PRR16: variants seen among roughly 807,000 people sequenced by gnomAD.
The protein encoded by PRR16 is proline rich 16, also known as protein Largen.
In PRR16, 6 loss-of-function variants were observed where a neutral mutation model predicts 18.2. The ratio of observed to expected loss-of-function variants is 0.33; its 90% CI spans 0.18 to 0.65. PRR16 has a LOEUF of 0.65. Among genes scored for constraint, PRR16 ranks in the 30% least tolerant of loss-of-function variants. The probability of loss-of-function intolerance (pLI) is 0.74; values close to 1 mark genes in which losing one functional copy is unlikely to be tolerated. For synonymous variants in PRR16, 151 were observed against 147.8 expected (o/e 1.02, Z -0.16); for missense variants, 412 against 376.6 (o/e 1.09, Z -0.78).
At chr5:120,581,908 C>T (rs1010323194) in intron 1 of PRR16, among the ~76,000 whole-genome samples, 3 of 152,036 alleles carry the variant, frequency 2.0e-5, no homozygotes, top group African/African-American at 4.8e-5. Flanking sequence ...CGTTCTTTTG[C>T]ATTTGCTGAA....
rs758988449 is a variant in PRR16 at position 120,686,095 on chromosome 5, G to T, written c.301G>T (p.Ala101Ser). 9 of 1,614,052 alleles carry T rather than the reference G, an allele frequency of 5.6e-6. No individual in the cohort carries two copies. The highest frequency in any genetic ancestry group is 7.6e-6 in the Non-Finnish European group (9 of 1,180,002). Residue 101 changes from alanine (A) to serine (S), a missense_variant, in exon 2 of 2, where the codon GCA (alanine) becomes TCA (serine). Transcript: ENST00000407149. ...SLEKIKVQAN[A>S]PLIKPPAHPS... The stretch of plus-strand genomic sequence containing the variant: ...AGAGAAGATCAAAGTGCAGGCTAAT[G>T]CACCGCTTATTAAACCCCCAGCACA...
chr5:120,514,824 C>A (rs550648943), intron 1 of PRR16, among the ~76,000 whole-genome samples: 1 of 152,308 alleles, frequency 6.6e-6, no homozygotes, highest in South Asian at 2.1e-4. Flanking sequence ...TTCTTCTGAG[C>A]TCTCACCTGA....
At chr5:120,623,231 G>C (rs953336812) in intron 1 of PRR16, among the ~76,000 whole-genome samples, 2 of 151,966 alleles carry the variant, frequency 1.3e-5, no homozygotes, top group Non-Finnish European at 2.9e-5. Context: ...TTTTATAATG[G>C]CAACAGTATC....
rs565754069 is a variant in PRR16, at chr5:120,506,369, C to T, written c.159+41724C>T. On this transcript the variant is annotated intron_variant, in intron 1 of 1. Transcript: ENST00000407149. Reference sequence around the variant, plus strand: ...TGAAATGTATTTTGATTACCTATTTCTAAAGATAAATAAATAAAAATCTGT... The same window carrying T: ...TGAAATGTATTTTGATTACCTATTTTTAAAGATAAATAAATAAAAATCTGT... Among the ~76,000 whole-genome samples, 133 of 151,694 alleles carry T rather than the reference C, an allele frequency of 8.8e-4. 2 individuals carry two copies. Among genetic ancestry groups the T allele is most frequent in the Middle Eastern group, 3.4e-3 (1 of 294 alleles).
the PRR16 span, among the ~76,000 whole-genome samples, chr5:120,747,932 G>T: frequency 6.1e-4 from 93 of 152,120 alleles, no homozygotes; most frequent in African/African-American, 1.9e-3. Flanking sequence ...TTGTGCAATC[G>T]ATTCCCCACA....
the PRR16 span, among the ~76,000 whole-genome samples, chr5:120,694,577 G>A: frequency 2.0e-5 from 3 of 151,644 alleles, no homozygotes; most frequent in Non-Finnish European, 4.4e-5. Flanking sequence ...CCAGCTACTC[G>A]GGAGGCTGAG....
At chr5:120,652,539 G>A (rs888922245) in intron 1 of PRR16, among the ~76,000 whole-genome samples, 5 of 152,000 alleles carry the variant, frequency 3.3e-5, no homozygotes, top group African/African-American at 7.2e-5. Flanking sequence ...TAAGAATGGC[G>A]TTTTCCCTCT....
At chr5:120,704,643 G>A in the PRR16 span, among the ~76,000 whole-genome samples, 1 of 152,136 alleles carries the variant, frequency 6.6e-6, no homozygotes, top group South Asian at 2.1e-4. Flanking sequence ...CACTTGGGAA[G>A]CTTCACACCC....
chr5:120,474,589 C>CTTTT (rs151199683), intron 1 of PRR16, among the ~76,000 whole-genome samples: 13,245 of 150,126 alleles, frequency 0.088, 739 homozygotes, highest in African/African-American at 0.15. Context: ...TATTTGCTAT[C>CTTTT]TTTTTTTTAA....
At chr5:120,642,271 T>C (rs541458244) in intron 1 of PRR16, among the ~76,000 whole-genome samples, 64 of 146,244 alleles carry the variant, frequency 4.4e-4, no homozygotes, top group East Asian at 3.3e-3. Flanking sequence ...TTTTTTTTTT[T>C]CCCCTAACAG....
At chr5:120,774,923 C>G in the PRR16 span, among the ~76,000 whole-genome samples, 4 of 152,130 alleles carry the variant, frequency 2.6e-5, no homozygotes, top group African/African-American at 9.7e-5. Context: ...AAACCAGCCA[C>G]TGGATTTATT....
chr5:120,697,191 G>C, the PRR16 span, among the ~76,000 whole-genome samples: 1 of 152,140 alleles, frequency 6.6e-6, no homozygotes, highest in African/African-American at 2.4e-5. Flanking sequence ...TGAGAGACAG[G>C]TCCCTTGTAT....
At chr5:120,527,849 C>G (rs1259518609) in intron 1 of PRR16, among the ~76,000 whole-genome samples, 1 of 152,118 alleles carries the variant, frequency 6.6e-6, no homozygotes, top group African/African-American at 2.4e-5. Context: ...CAGTTCCTCC[C>G]TAGAAGTACA....
chr5:120,732,177 CA>C, the PRR16 span, among the ~76,000 whole-genome samples: 1 of 152,198 alleles, frequency 6.6e-6, no homozygotes, highest in Admixed American at 6.5e-5. Flanking sequence ...ATATCCTCCT[CA>C]GAGTAATAGT....
chr5:120,526,459 C>G (rs546379619), intron 1 of PRR16, among the ~76,000 whole-genome samples: 2 of 152,080 alleles, frequency 1.3e-5, no homozygotes, highest in East Asian at 1.9e-4. Context: ...ATATTTTCCC[C>G]TCAGGCAACA....
At chr5:120,593,117 G>C (rs866019702) in intron 1 of PRR16, among the ~76,000 whole-genome samples, 1 of 151,784 alleles carries the variant, frequency 6.6e-6, no homozygotes. Context: ...AGAGAAGCAA[G>C]AGCAAAGAAA....
chr5:120,578,144 A>C (rs985999386), intron 1 of PRR16, among the ~76,000 whole-genome samples: 39 of 152,196 alleles, frequency 2.6e-4, no homozygotes, highest in African/African-American at 8.4e-4. Context: ...CTTTTAAAGC[A>C]GTTTTTCCCC....
chr5:120,542,499 A>G (rs1397114413), intron 1 of PRR16, among the ~76,000 whole-genome samples: 1 of 152,186 alleles, frequency 6.6e-6, no homozygotes, highest in Admixed American at 6.5e-5. Context: ...ACAAAACTCC[A>G]AACTCTATTT....
At chr5:120,657,048 T>A (rs1434940288) in intron 1 of PRR16, among the ~76,000 whole-genome samples, 2 of 152,018 alleles carry the variant, frequency 1.3e-5, no homozygotes, top group African/African-American at 4.8e-5. Flanking sequence ...GAAAGAAGAT[T>A]GCACCTCAGT....
Sources: allele counts gnomAD v4.1 joint callset (sites outside exome capture counted in the v4.1 genomes callset), GRCh38; gene constraint gnomAD v4.1.1; transcripts MANE v1.5; gene names NCBI Gene and HGNC (gene_info 2026-07-23, HGNC 2026-07-21).